Variants in KCNH8 observed in about 807,000 individuals in gnomAD.
KCNH8 encodes voltage-gated delayed rectifier potassium channel KCNH8.
Under a neutral mutation model 103.6 loss-of-function variants are expected in KCNH8, and 70 were observed. The ratio of observed to expected loss-of-function variants is 0.68; its 90% CI spans 0.56 to 0.82. The LOEUF (loss-of-function observed/expected upper bound fraction) is 0.82, where lower values mean the gene tolerates loss of function less well. KCNH8 is among the 40% of genes least tolerant of loss of function. KCNH8 has a pLI of 0.00. For synonymous variants in KCNH8, 498 were observed against 489.4 expected (o/e 1.02, Z -0.23); for missense variants, 1,217 against 1,329.9 (o/e 0.92, Z 1.32).
intron 15 of KCNH8, among the ~76,000 whole-genome samples, chr3:19,524,053 T>C (rs372583452): frequency 6.6e-6 from 1 of 151,992 alleles, no homozygotes; most frequent in East Asian, 1.9e-4. Flanking sequence ...CTTTTCTAAA[T>C]GCCTACAGAA....
At chr3:19,306,824 A>G (rs1461033720) in intron 3 of KCNH8, among the ~76,000 whole-genome samples, 1 of 152,124 alleles carries the variant, frequency 6.6e-6, no homozygotes, top group African/African-American at 2.4e-5. Context: ...TAAATAGTAT[A>G]GATTTATATC....
chr3:19,515,265 A>G (rs2068854211), intron 13 of KCNH8, 57 bp from the exon 14 acceptor site: 5 of 939,004 alleles, frequency 5.3e-6, no homozygotes, highest in Non-Finnish European at 8.3e-6. Flanking sequence ...CTCTTTAAAA[A>G]TACTGGAATC....
intron 7 of KCNH8, among the ~76,000 whole-genome samples, chr3:19,430,329 C>CACA (rs2067101127): frequency 6.6e-6 from 1 of 151,974 alleles, no homozygotes; most frequent in East Asian, 1.9e-4. Context: ...TGTCTGTGTG[C>CACA]CTATTCTTGT....
At chr3:19,480,552 A>G (rs1559348129) in intron 11 of KCNH8, among the ~76,000 whole-genome samples, 1 of 152,192 alleles carries the variant, frequency 6.6e-6, no homozygotes, top group South Asian at 2.1e-4. Context: ...TGAATAGCCA[A>G]AGTCAGGTAT....
intron 15 of KCNH8, among the ~76,000 whole-genome samples, chr3:19,526,682 TG>T (rs925310178): frequency 1.3e-5 from 2 of 151,992 alleles, no homozygotes; most frequent in Non-Finnish European, 2.9e-5. Flanking sequence ...CACAATGTTT[TG>T]AAAGCTCCCA....
At chr3:19,408,745 G>A (rs868629558) in intron 7 of KCNH8, among the ~76,000 whole-genome samples, 1 of 152,060 alleles carries the variant, frequency 6.6e-6, no homozygotes, top group African/African-American at 2.4e-5. Flanking sequence ...CAATAGACTG[G>A]ATGAAGTAGA....
chr3:19,208,135 G>A (rs1318039330), intron 1 of KCNH8, among the ~76,000 whole-genome samples: 1 of 151,914 alleles, frequency 6.6e-6, no homozygotes, highest in Non-Finnish European at 1.5e-5. Context: ...AAATACTACA[G>A]AAATTCATTT....
At chr3:19,409,125 G>GA (rs1294340397) in intron 7 of KCNH8, among the ~76,000 whole-genome samples, 2 of 151,952 alleles carry the variant, frequency 1.3e-5, no homozygotes, top group East Asian at 3.9e-4. Context: ...AGAGGAAAAG[G>GA]AAAAATTACA....
At chr3:19,326,166 A>G (rs1335829097) in intron 3 of KCNH8, among the ~76,000 whole-genome samples, 3 of 151,910 alleles carry the variant, frequency 2.0e-5, no homozygotes, top group Non-Finnish European at 4.4e-5. Flanking sequence ...GTGGAACAAT[A>G]CACACTGGGG....
At chr3:19,423,146 G>T (rs369318958) in intron 7 of KCNH8, among the ~76,000 whole-genome samples, 6 of 152,014 alleles carry the variant, frequency 3.9e-5, no homozygotes, top group Admixed American at 3.9e-4. Flanking sequence ...CTTCTCTCAT[G>T]ATTGTACATT....
At chr3:19,500,100 T>C (rs4634144) in intron 11 of KCNH8, among the ~76,000 whole-genome samples, 21,078 of 151,992 alleles carry the variant, frequency 0.14, 2,112 homozygotes, top group East Asian at 0.34. Context: ...GAAGATCTAC[T>C]AAGCAAATGG....
At chr3:19,274,207 C>T (rs1015087031) in intron 2 of KCNH8, among the ~76,000 whole-genome samples, 4 of 152,152 alleles carry the variant, frequency 2.6e-5, no homozygotes, top group African/African-American at 9.7e-5. Context: ...GAAAATACTA[C>T]ACATCTCAAT....
At chr3:19,372,783 C>G (rs987430521) in intron 5 of KCNH8, among the ~76,000 whole-genome samples, 4 of 152,064 alleles carry the variant, frequency 2.6e-5, no homozygotes, top group African/African-American at 9.7e-5. Context: ...TGAAATATGT[C>G]CCATCAATAC....
intron 1 of KCNH8, among the ~76,000 whole-genome samples, chr3:19,183,490 A>G (rs2063475749): frequency 6.6e-6 from 1 of 152,194 alleles, no homozygotes; most frequent in South Asian, 2.1e-4. Context: ...AAAAACTGAT[A>G]TAGGGGAGAG....
intron 7 of KCNH8, among the ~76,000 whole-genome samples, chr3:19,396,719 T>A (rs148865584): frequency 2.6e-5 from 4 of 152,160 alleles, no homozygotes; most frequent in African/African-American, 9.6e-5. Context: ...GAATTGTATG[T>A]GGATTAAAAC....
intron 5 of KCNH8, among the ~76,000 whole-genome samples, chr3:19,373,779 A>T (rs1391790872): frequency 1.3e-5 from 2 of 151,346 alleles, no homozygotes; most frequent in South Asian, 2.1e-4. Context: ...CACTGCTTTG[A>T]ATGCGTCCCA....
intron 11 of KCNH8, among the ~76,000 whole-genome samples, chr3:19,488,497 G>T (rs2068257232): frequency 6.6e-6 from 1 of 152,212 alleles, no homozygotes; most frequent in Admixed American, 6.5e-5. Flanking sequence ...CTAAGGCCAT[G>T]TTAATCATGT....
chr3:19,154,368 A>G (rs983959181), intron 1 of KCNH8, among the ~76,000 whole-genome samples: 4 of 152,182 alleles, frequency 2.6e-5, no homozygotes, highest in Admixed American at 6.5e-5. Flanking sequence ...TAGACCAGCC[A>G]TAAAAGATCT....
At chr3:19,262,277 C>A (rs1236126359) in intron 2 of KCNH8, among the ~76,000 whole-genome samples, 1 of 151,922 alleles carries the variant, frequency 6.6e-6, no homozygotes, top group Admixed American at 6.6e-5. Flanking sequence ...TCTTCAGTGT[C>A]TTTCATCAGT....
Sources: gnomAD v4.1 joint callset for allele counts (sites outside exome capture counted in the v4.1 genomes callset) on GRCh38, gnomAD v4.1.1 for gene constraint, MANE v1.5 for transcripts, NCBI Gene and HGNC (gene_info 2026-07-23, HGNC 2026-07-21) for gene names.